MIGA1: variants seen among roughly 807,000 people sequenced by gnomAD.
MIGA1 encodes family with sequence similarity 73, member A.
Under a neutral mutation model 82.0 loss-of-function variants are expected in MIGA1, and 58 were observed. That is an observed-to-expected ratio of 0.71 (90% confidence interval 0.57 to 0.88). The LOEUF is 0.88. Ranked by LOEUF, MIGA1 falls within the 40% of genes least tolerant of loss-of-function variation. MIGA1 has a pLI of 0.00. For synonymous variants in MIGA1, 249 were observed against 253.6 expected, an observed-to-expected ratio of 0.98 and a Z score of 0.17; for missense variants, 751 against 749.1, an observed-to-expected ratio of 1.00 and a Z score of -0.03.
At chr1:77,871,055 C>G (rs938876914) in intron 14 of MIGA1, among the ~76,000 whole-genome samples, 1 of 127,972 alleles carries the variant, frequency 7.8e-6, no homozygotes, top group Non-Finnish European at 1.6e-5. Flanking sequence ...AGCTTTGGCT[C>G]GGCATCAGAG....
At chr1:77,842,050 G>A (rs527671997) in intron 7 of MIGA1, among the ~76,000 whole-genome samples, 1 of 151,386 alleles carries the variant, frequency 6.6e-6, no homozygotes, top group Non-Finnish European at 1.5e-5. Flanking sequence ...TCCAAAGCAC[G>A]GGGATGATTA....
At chr1:77,873,396 G>A (rs954661434) in intron 15 of MIGA1, among the ~76,000 whole-genome samples, 1 of 152,176 alleles carries the variant, frequency 6.6e-6, no homozygotes, top group East Asian at 1.9e-4. Context: ...CCTAATGCAA[G>A]GGATACATGG....
At chr1:77,863,375 A>G (rs988299697) in intron 12 of MIGA1, among the ~76,000 whole-genome samples, 3 of 152,070 alleles carry the variant, frequency 2.0e-5, no homozygotes, top group Non-Finnish European at 2.9e-5. Flanking sequence ...GATACAGCAC[A>G]CTATACTTTT....
chr1:77,805,466 T>C (rs1683059699), intron 4 of MIGA1, among the ~76,000 whole-genome samples: 1 of 150,140 alleles, frequency 6.7e-6, no homozygotes, highest in Non-Finnish European at 1.5e-5. Flanking sequence ...CTATTCTTTT[T>C]TTTTTTTTTT....
In MIGA1 at chr1:77,863,880, A is replaced by G; in HGVS notation, c.1375-14A>G. The G allele has an allele frequency of 6.6e-7, 1 of 1,506,384 alleles. No homozygotes were observed. Among genetic ancestry groups the G allele is most frequent in the Non-Finnish European group, 9.0e-7 (1 of 1,110,608 alleles). 93.3% of individuals were successfully genotyped at this position (1,506,384 alleles called of 1,614,324 possible). A position where few individuals can be genotyped will look rare whatever the true frequency, so the allele number is the denominator to read the frequency against. On this transcript the variant is annotated splice_polypyrimidine_tract_variant and intron_variant, in intron 12 of 15. Coordinates refer to ENST00000370791, the MANE Select transcript of MIGA1 (RefSeq NM_198549.4). ...GTAATAATAATTTCTGTTTCAACTC[A>G]TAATTTAATGCAGGTGAAAAATCTA...
chr1:77,780,658 A>G (rs1681865503), intron 1 of MIGA1, among the ~76,000 whole-genome samples: 2 of 152,226 alleles, frequency 1.3e-5, no homozygotes, highest in Non-Finnish European at 1.5e-5. Context: ...AATATCACAC[A>G]GGACAATATT....
At position 77,813,851 on chromosome 1, in the gene MIGA1, C is replaced by T; in HGVS notation, c.755C>T (p.Ala252Val). 3 of 1,614,056 alleles carry T rather than the reference C, an allele frequency of 1.9e-6. No individual in the cohort carries two copies. Among genetic ancestry groups the T allele is most frequent in the Non-Finnish European group, 2.5e-6 (3 of 1,180,000 alleles). ...AAACTGGGTGCAGGAGATGCCATTG[C>T]TGAAGAAAATGTAGATGTAAGGGTG... Residue 252 changes from alanine (A) to valine (V), a missense_variant, in exon 6 of 16, where the codon GCT (alanine) becomes GTT (valine). Physicochemically the swap from Ala to Val is moderately conservative, Grantham distance 64. Transcript: ENST00000370791.
In MIGA1 at chr1:77,874,967, C is replaced by T. The variant is rs1308124067; in HGVS notation, c.1802C>T (p.Ala601Val). Residue 601 changes from alanine to valine, a missense_variant, in exon 16 of 16, where the codon GCC becomes GTC. Transcript: ENST00000370791. ...ATTCGCCGCACTGAGCTTTTAATGG[C>T]CTATCTTGAAGCAGATGCCCTGAGG... is the stretch of plus-strand genomic sequence containing the variant. 3 of 1,613,974 alleles carry T rather than the reference C, an allele frequency of 1.9e-6. No homozygotes were observed. The highest frequency in any genetic ancestry group is 2.5e-6 in the Non-Finnish European group (3 of 1,180,010).
Position 77,783,244 on chromosome 1 carries a change from A to G in MIGA1, c.88A>G (p.Arg30Gly), listed in dbSNP as rs376178635. The G allele has an allele frequency of 1.0e-5, 16 of 1,585,252 alleles. No individual in the cohort carries two copies. Among genetic ancestry groups the G allele is most frequent in the African/African-American group, 2.7e-5 (2 of 74,502 alleles). ...TATGTTTCATTTAATGAAGATTAGA[A>G]GAGGAGCCATGTCAGAAGAAACAGT... The change falls in exon 2 of 16, where the codon AGA becomes GGA. Residue 30 changes from arginine (R) to glycine (G), a missense_variant. Physicochemically the swap from Arg to Gly is moderately radical, Grantham distance 125. Around this residue, in one of 3 missense-constraint regions of MIGA1, gnomAD observed 482 missense variants for 439.4 expected, o/e 1.10. Transcript: ENST00000370791.
At chr1:77,839,869 G>A (rs1684567163) in intron 7 of MIGA1, among the ~76,000 whole-genome samples, 1 of 152,058 alleles carries the variant, frequency 6.6e-6, no homozygotes, top group African/African-American at 2.4e-5. Flanking sequence ...AGCCTCCCAA[G>A]TAGCTGAGAC....
chr1:77,875,192 TAA>T lies in MIGA1; in HGVS notation c.*133_*134del. Reference sequence around the variant, plus strand: ...ATTCAGGGAGGAAAAAAAAATCTACTAAAAAATGAGCAACTGTACTGTATTTA... The same window carrying T: ...ATTCAGGGAGGAAAAAAAAATCTACTAAAATGAGCAACTGTACTGTATTTA... On this transcript the variant is annotated 3_prime_UTR_variant, in exon 16 of 16. Coordinates refer to ENST00000370791, the MANE Select transcript of MIGA1 (RefSeq NM_198549.4). 1 of 732,248 alleles carries T rather than the reference TAA, an allele frequency of 1.4e-6. No individual in the cohort carries two copies. The highest frequency in any genetic ancestry group is 2.3e-6 in the Non-Finnish European group (1 of 443,686). The allele number at this position is 732,248 out of a possible 1,614,324, so 45.4% of individuals were successfully genotyped here.
rs574354698 is a variant in MIGA1 at position 77,849,434 on chromosome 1, T to A, written c.996+6027T>A. 3.0e-4 allele frequency among the ~76,000 whole-genome samples: 45 copies of A among 152,288 alleles called. 1 individual carries two copies. The highest frequency in any genetic ancestry group is 1.1e-3 in the African/African-American group (45 of 41,566). Reference sequence around the variant, plus strand: ...TTTTAAATAAATAATTTAACTCTTCTAATAATGTTGGTTTTGTTGCACGAG... The same window carrying A: ...TTTTAAATAAATAATTTAACTCTTCAAATAATGTTGGTTTTGTTGCACGAG... On this transcript the variant is annotated intron_variant, in intron 8 of 15. Transcript: ENST00000370791.
intron 7 of MIGA1, among the ~76,000 whole-genome samples, chr1:77,820,646 G>C (rs958225927): frequency 1.3e-5 from 2 of 151,916 alleles, no homozygotes; most frequent in Non-Finnish European, 2.9e-5. Context: ...CTACCTTTCT[G>C]ATCCTGTATT....
chr1:77,801,252 G>A (rs992187418), intron 2 of MIGA1, 79 bp from the exon 3 acceptor site: 1 of 992,478 alleles, frequency 1.0e-6, no homozygotes, highest in African/African-American at 1.7e-5. Context: ...TAGATTAAGA[G>A]TAAGTTTAGT....
chr1:77,785,241 G>A (rs749731459), intron 2 of MIGA1, among the ~76,000 whole-genome samples: 1 of 152,168 alleles, frequency 6.6e-6, no homozygotes, highest in Non-Finnish European at 1.5e-5. Flanking sequence ...TAGAATGGGG[G>A]TATGGGCATT....
At chr1:77,851,132 A>C (rs1685033772) in intron 8 of MIGA1, among the ~76,000 whole-genome samples, 1 of 152,096 alleles carries the variant, frequency 6.6e-6, no homozygotes, top group Non-Finnish European at 1.5e-5. Context: ...CCGCCTCCCA[A>C]AGTGCTAGGA....
rs1684699180 is a variant in MIGA1 at position 77,843,394 on chromosome 1, C to T, written c.983C>T (p.Ala328Val). Residue 328 changes from alanine to valine, a missense_variant, in exon 8 of 16, where the codon GCT becomes GTT. Ala to Val is a moderately conservative substitution (Grantham distance 64). Around this residue, in one of 3 missense-constraint regions of MIGA1, gnomAD observed 482 missense variants for 439.4 expected, o/e 1.10. Transcript: ENST00000370791. ...AGCATCGCATCCACGGATTCCTTTG[C>T]TTCCGCAGCAGAGGTAGGACATATG... 6.2e-7 allele frequency: 1 copy of T among 1,613,770 alleles called. No homozygotes were observed.
At position 77,872,985 on chromosome 1, in the gene MIGA1, C is replaced by A; in HGVS notation, c.1564-19C>A. On this transcript the variant is annotated intron_variant, in intron 14 of 15. Coordinates refer to ENST00000370791, the MANE Select transcript of MIGA1 (RefSeq NM_198549.4). Reference sequence around the variant, plus strand: ...ACAAGAAGGTAGAAGTAACTTGATTCTCCTTTACTTCCCAGCAGATCCCAG... The same window carrying A: ...ACAAGAAGGTAGAAGTAACTTGATTATCCTTTACTTCCCAGCAGATCCCAG... 1.2e-6 allele frequency: 2 copies of A among 1,613,174 alleles called. No homozygotes were observed. The highest frequency in any genetic ancestry group is 1.7e-6 in the Non-Finnish European group (2 of 1,179,914).
At chr1:77,829,880 G>GT (rs1570970350) in intron 7 of MIGA1, among the ~76,000 whole-genome samples, 3 of 141,302 alleles carry the variant, frequency 2.1e-5, no homozygotes, top group East Asian at 4.3e-4. Context: ...GATTTGCAAA[G>GT]CCCCCCCACC....
Sources: allele counts gnomAD v4.1 joint callset (sites outside exome capture counted in the v4.1 genomes callset), GRCh38; gene constraint gnomAD v4.1.1; regional missense constraint gnomAD v4.1.1; transcripts MANE v1.5; gene names NCBI Gene and HGNC (gene_info 2026-07-23, HGNC 2026-07-21).